The following SEMA3E variants were observed in gnomAD, a reference collection of about 807,000 sequenced individuals.
SEMA3E encodes the protein semaphorin 3E.
A neutral mutation model predicts 93.6 loss-of-function variants in SEMA3E; 49 were observed. The ratio of observed to expected loss-of-function variants is 0.52; its 90% CI spans 0.42 to 0.66. SEMA3E has a LOEUF of 0.66. SEMA3E is among the 30% of genes least tolerant of loss of function. SEMA3E has a pLI of 0.00. For synonymous variants in SEMA3E, 363 were observed against 330.7 expected (o/e 1.10, Z -1.06); for missense variants, 906 against 964.8 (o/e 0.94, Z 0.81).
chr7:83,637,843 G>C (rs35658287), intron 1 of SEMA3E, among the ~76,000 whole-genome samples: 1 of 139,758 alleles, frequency 7.2e-6, no homozygotes, highest in Non-Finnish European at 1.5e-5. Flanking sequence ...GTATATTTTA[G>C]AAAGAGGAGA....
chr7:83,419,023 AT>A (rs1370668560), intron 4 of SEMA3E, among the ~76,000 whole-genome samples: 2 of 152,014 alleles, frequency 1.3e-5, no homozygotes, highest in African/African-American at 4.8e-5. Flanking sequence ...TCCAACAGGC[AT>A]TTTGTCAGCC....
At chr7:83,573,454 T>C (rs1212554816) in intron 1 of SEMA3E, among the ~76,000 whole-genome samples, 1 of 152,092 alleles carries the variant, frequency 6.6e-6, no homozygotes, top group African/African-American at 2.4e-5. Context: ...AAAATTTTCA[T>C]AGGAAATATT....
intron 4 of SEMA3E, among the ~76,000 whole-genome samples, chr7:83,459,745 C>G (rs907072159): frequency 1.3e-5 from 2 of 152,186 alleles, no homozygotes; most frequent in Non-Finnish European, 2.9e-5. Flanking sequence ...CCTGAAGTAA[C>G]TGAAGAATCA....
chr7:83,406,112 A>C, intron 7 of SEMA3E, 53 bp from the exon 8 acceptor site: 1 of 1,251,040 alleles, frequency 8.0e-7, no homozygotes, highest in Non-Finnish European at 1.2e-6. Flanking sequence ...TCGACCAACC[A>C]CAGATTTCAT....
chr7:83,540,623 G>A (rs764936782), intron 1 of SEMA3E, among the ~76,000 whole-genome samples: 42 of 152,110 alleles, frequency 2.8e-4, no homozygotes, highest in Non-Finnish European at 4.7e-4. Context: ...ACTTAAAGTA[G>A]TACTTCTCAA....
At chr7:83,535,411 T>C (rs1390554961) in intron 1 of SEMA3E, among the ~76,000 whole-genome samples, 2 of 143,454 alleles carry the variant, frequency 1.4e-5, no homozygotes, top group African/African-American at 2.6e-5. Flanking sequence ...TACTTTTTTT[T>C]CAAGCAGGTA....
chr7:83,581,247 T>A (rs1236726522), intron 1 of SEMA3E, among the ~76,000 whole-genome samples: 1 of 152,004 alleles, frequency 6.6e-6, no homozygotes, highest in Non-Finnish European at 1.5e-5. Context: ...ATACCTGCCC[T>A]TTGTGTATCA....
At chr7:83,445,590 T>G (rs1053674648) in intron 4 of SEMA3E, among the ~76,000 whole-genome samples, 1 of 151,934 alleles carries the variant, frequency 6.6e-6, no homozygotes, top group African/African-American at 2.4e-5. Context: ...TCCTGGTGGG[T>G]GCCTGTAATC....
chr7:83,420,755 A>C (rs1010663907), intron 4 of SEMA3E, among the ~76,000 whole-genome samples: 2 of 152,214 alleles, frequency 1.3e-5, no homozygotes, highest in African/African-American at 4.8e-5. Flanking sequence ...TGGCACTGGG[A>C]TTGCTGGCTA....
intron 1 of SEMA3E, among the ~76,000 whole-genome samples, chr7:83,627,132 G>A (rs1384521542): frequency 6.6e-6 from 1 of 152,032 alleles, no homozygotes; most frequent in Non-Finnish European, 1.5e-5. Context: ...CCAATTATGT[G>A]GTCAATTTTA....
intron 1 of SEMA3E, among the ~76,000 whole-genome samples, chr7:83,506,475 G>A (rs1026533008): frequency 2.6e-5 from 4 of 151,980 alleles, no homozygotes; most frequent in Middle Eastern, 3.4e-3. Context: ...AAAGGGAATC[G>A]GGGGCTTATG....
chr7:83,521,903 T>A lies in SEMA3E; in HGVS notation c.116-31629A>T, dbSNP rs368375964. ...TATATGAATTTTAAGAAGACTCAAC[T>A]CAGTTCATTGTAGGCACTTTTACAA... On this transcript the variant is annotated intron_variant, in intron 1 of 16. Transcript: ENST00000643230. Among the ~76,000 whole-genome samples, 14 of 152,224 alleles carry A rather than the reference T, an allele frequency of 9.2e-5. 3 individuals are homozygous for A. The highest frequency in any genetic ancestry group is 7.2e-5 in the African/African-American group (3 of 41,542).
rs1291868081 is a variant in SEMA3E at position 83,396,924 on chromosome 7, CA to C, written c.1367-196del. ...CAAAACCCTGTCTCTACTAAAAATA[CA>C]AAAAAAATTAGCCAGGCATGGTGGT... is the stretch of plus-strand genomic sequence containing the variant. On this transcript the variant is annotated intron_variant, in intron 11 of 16. Coordinates refer to ENST00000643230, the MANE Select transcript of SEMA3E (RefSeq NM_012431.3). Among the ~76,000 whole-genome samples the C allele has an allele frequency of 4.6e-5, 7 of 151,248 alleles. No individual in the cohort carries two copies. In the South Asian group the frequency reaches 1.3e-3, roughly 27 times the overall value.
chr7:83,538,942 T>G lies in SEMA3E; in HGVS notation c.116-48668A>C, dbSNP rs978837851. On this transcript the variant is annotated intron_variant, in intron 1 of 16. Coordinates refer to ENST00000643230, the MANE Select transcript of SEMA3E (RefSeq NM_012431.3). The stretch of plus-strand genomic sequence containing the variant: ...CTCTTATGTTGGAGACTTAATTTCC[T>G]GGATCCCATGACTTTAAGTCTTTCC... Among the ~76,000 whole-genome samples, 9 of 152,322 alleles carry G rather than the reference T, an allele frequency of 5.9e-5. 1 individual carries two copies. Among genetic ancestry groups the G allele is most frequent in the Admixed American group, 6.5e-5 (1 of 15,298 alleles).
chr7:83,410,905 C>G (rs1370724967), intron 5 of SEMA3E, among the ~76,000 whole-genome samples: 2 of 151,996 alleles, frequency 1.3e-5, no homozygotes, highest in African/African-American at 2.4e-5. Context: ...ATTTATTTCG[C>G]TACTGTGGGC....
chr7:83,590,254 T>C (rs1012140011), intron 1 of SEMA3E, among the ~76,000 whole-genome samples: 6 of 152,168 alleles, frequency 3.9e-5, no homozygotes, highest in African/African-American at 1.4e-4. Flanking sequence ...TGTATCATTC[T>C]AGGCAACTTT....
rs556869784 is a variant in SEMA3E, at chr7:83,400,430, C to T, written c.1144-180G>A. Among the ~76,000 whole-genome samples, 436 of 151,860 alleles carry T rather than the reference C, an allele frequency of 2.9e-3. 5 individuals carry two copies. The highest frequency in any genetic ancestry group is 1.0e-2 in the African/African-American group (414 of 41,440). ...AACTTTTATTTTAGGTTCAGAGGTA[C>T]ATGTCCAGGTTTGTTATATAGGTAA... On this transcript the variant is annotated intron_variant, in intron 10 of 16. Transcript: ENST00000643230.
intron 1 of SEMA3E, among the ~76,000 whole-genome samples, chr7:83,505,743 C>T (rs1417942215): frequency 1.3e-5 from 2 of 152,012 alleles, no homozygotes; most frequent in Admixed American, 6.6e-5. Flanking sequence ...TGGCCGGGCA[C>T]AGTGGCTCAT....
intron 1 of SEMA3E, among the ~76,000 whole-genome samples, chr7:83,576,239 G>A (rs368748457): frequency 3.3e-5 from 5 of 152,200 alleles, no homozygotes; most frequent in African/African-American, 9.6e-5. Context: ...TTCAAATTTA[G>A]CAGTACTCTT....
Sources: gnomAD v4.1 joint callset for allele counts (sites outside exome capture counted in the v4.1 genomes callset) on GRCh38, gnomAD v4.1.1 for gene constraint, MANE v1.5 for transcripts, NCBI Gene and HGNC (gene_info 2026-07-23, HGNC 2026-07-21) for gene names.